The following IRAG2 variants were observed in gnomAD, a reference collection of about 807,000 sequenced individuals.
IRAG2 encodes the protein inositol 1,4,5-triphosphate receptor associated 2, also known as lymphoid restricted membrane protein.
In IRAG2, 45 loss-of-function variants were observed where a neutral mutation model predicts 69.9. That is an observed-to-expected ratio of 0.64 (90% CI 0.51 to 0.83). The LOEUF (loss-of-function observed/expected upper bound fraction) is 0.83, where lower values mean the gene tolerates loss of function less well. IRAG2 is among the 40% of genes least tolerant of loss of function. The probability of loss-of-function intolerance (pLI) is 0.00; values close to 1 mark genes in which losing one functional copy is unlikely to be tolerated. For missense variants in IRAG2, 520 were observed against 587.0 expected, an observed-to-expected ratio of 0.89 and a Z score of 1.18; for synonymous variants, 193 against 202.4, an observed-to-expected ratio of 0.95 and a Z score of 0.40.
rs769411549 is a variant in IRAG2 at position 25,079,245 on chromosome 12, A to G, written c.26A>G (p.Glu9Gly). MNDDPSME[E>G]NGVERVCPES... ...ATGTCTCCTTTCTTTTTCCTTAAGG[A>G]GAATGGTGTTGAACGCGTGTGTCCT... The change falls in exon 7 of 22, where the codon GAG (glutamate) becomes GGG (glycine). Residue 9 changes from glutamate to glycine, a missense_variant and splice_region_variant. By Grantham distance (98) the Glu-to-Gly change is moderately conservative. Transcript: ENST00000556887. 3 of 1,614,022 alleles carry G rather than the reference A, an allele frequency of 1.9e-6. No homozygotes were observed. The South Asian group carries it at 3.3e-5, about 18-fold the overall frequency.
chr12:25,034,346 AC>A (rs1304546917), intron 13 of IRAG2, among the ~76,000 whole-genome samples: 4 of 152,218 alleles, frequency 2.6e-5, no homozygotes, highest in African/African-American at 9.7e-5. Flanking sequence ...ATGCCCAGAA[AC>A]AATACCAAAT....
In IRAG2 at chr12:25,069,349, G is replaced by C; in HGVS notation, c.-58-1G>C. The C allele has an allele frequency of 1.4e-6, 2 of 1,450,804 alleles. No individual in the cohort carries two copies. The highest frequency in any genetic ancestry group is 9.6e-7 in the Non-Finnish European group (1 of 1,038,094). 89.9% of individuals were successfully genotyped at this position (1,450,804 alleles called of 1,614,324 possible). A position where few individuals can be genotyped will look rare whatever the true frequency, so the allele number is the denominator to read the frequency against. On this transcript the variant is annotated splice_acceptor_variant, in intron 5 of 21. Coordinates refer to ENST00000556887, the MANE Select transcript of IRAG2 (RefSeq NM_001366544.2). LOFTEE classifies it low-confidence loss of function (5UTR_SPLICE). The stretch of plus-strand genomic sequence containing the variant: ...TAAATAACTCTACTTCCTACTGCCA[G>C]GTGCCCAGGCCCCACAAGTGGCCCC...
intron 3 of IRAG2, among the ~76,000 whole-genome samples, chr12:25,013,164 G>C (rs890785747): frequency 6.6e-6 from 1 of 152,152 alleles, no homozygotes; most frequent in African/African-American, 2.4e-5. Context: ...ATTTAGGAAT[G>C]TGTATCAGGC....
intron 8 of IRAG2, among the ~76,000 whole-genome samples, chr12:25,026,608 C>A (rs1944623916): frequency 6.6e-6 from 1 of 152,052 alleles, no homozygotes; most frequent in Non-Finnish European, 1.5e-5. Flanking sequence ...AATGGAGGGG[C>A]TGCAGTGACT....
At chr12:25,061,558 G>C (rs1055214872) in intron 1 of IRAG2, 34 bp from the exon 2 acceptor site, 1 of 398,308 alleles carries the variant, frequency 2.5e-6, no homozygotes, top group African/African-American at 2.1e-5. Flanking sequence ...AATTAAAATG[G>C]TCATATTGAG....
At chr12:25,094,952 G>A (rs1229251519) in intron 14 of IRAG2, among the ~76,000 whole-genome samples, 2 of 152,056 alleles carry the variant, frequency 1.3e-5, no homozygotes, top group African/African-American at 2.4e-5. Flanking sequence ...GTGTATATTA[G>A]TTCTAACAGG....
chr12:25,011,916 A>C (rs2352737), intron 3 of IRAG2, among the ~76,000 whole-genome samples: 65,874 of 152,034 alleles, frequency 0.43, 16,308 homozygotes, highest in East Asian at 0.61. Flanking sequence ...TGATACTATC[A>C]AATCTCCAAA....
rs1039476983 is a variant in IRAG2, at chr12:25,081,430, C to T, written c.244+1667C>T. 3.9e-5 allele frequency among the ~76,000 whole-genome samples: 6 copies of T among 152,186 alleles called. No individual in the cohort carries two copies. The South Asian group carries it at 1.2e-3, about 32-fold the overall frequency. On this transcript the variant is annotated intron_variant, in intron 9 of 21. Coordinates refer to ENST00000556887, the MANE Select transcript of IRAG2 (RefSeq NM_001366544.2). ...AGTGAGCTGAGATTGCACCACTGCA[C>T]TCCAGCCTGGGCAACAGAGCAAGAC...
intron 15 of IRAG2, 73 bp downstream of exon 15, chr12:25,097,117 C>T (rs1234769859): frequency 6.9e-7 from 1 of 1,445,276 alleles, no homozygotes; most frequent in Non-Finnish European, 9.3e-7. Context: ...CTATGGATTT[C>T]TCACTTCTAG....
intron 12 of IRAG2, among the ~76,000 whole-genome samples, chr12:25,033,206 C>T (rs1418759367): frequency 4.6e-5 from 7 of 152,264 alleles, no homozygotes; most frequent in East Asian, 1.9e-4. Context: ...CTGCCTGCCT[C>T]GGCCTCTCAA....
chr12:25,083,000 G>GA (rs1947329784), intron 9 of IRAG2, among the ~76,000 whole-genome samples: 1 of 152,204 alleles, frequency 6.6e-6, no homozygotes, highest in South Asian at 2.1e-4. Context: ...GTTTTAGAAG[G>GA]ATATCATATT....
At chr12:25,072,750 T>C (rs1397538552) in intron 6 of IRAG2, among the ~76,000 whole-genome samples, 1 of 152,198 alleles carries the variant, frequency 6.6e-6, no homozygotes, top group Non-Finnish European at 1.5e-5. Flanking sequence ...TTGGAGTCCC[T>C]CTCTAAACTG....
At chr12:25,017,719 A>AC (rs1196129384) in intron 6 of IRAG2, among the ~76,000 whole-genome samples, 1 of 150,872 alleles carries the variant, frequency 6.6e-6, no homozygotes, top group Non-Finnish European at 1.5e-5. Context: ...CTCTGTCTCA[A>AC]AAAAAAAACC....
intron 1 of IRAG2, among the ~76,000 whole-genome samples, chr12:25,054,112 T>C (rs1198875368): frequency 1.3e-5 from 2 of 152,192 alleles, no homozygotes; most frequent in Admixed American, 6.5e-5. Flanking sequence ...AAAATAGCAG[T>C]GGTTATTCAA....
chr12:25,048,288 A>T (rs144702549), upstream of IRAG2, among the ~76,000 whole-genome samples: 3,549 of 151,744 alleles, frequency 0.023, 56 homozygotes, highest in East Asian at 0.092. Flanking sequence ...TCCTTTGCCC[A>T]CTTTTTATTT....
At chr12:25,102,704 C>T (rs1948825585) in intron 17 of IRAG2, 1 of 154,988 alleles carries the variant, frequency 6.5e-6, no homozygotes, top group African/African-American at 2.4e-5. Context: ...GTAAAGACAC[C>T]CCCTAGAAGT....
At chr12:25,076,768 A>G (rs1946714448) in intron 6 of IRAG2, 1 of 237,738 alleles carries the variant, frequency 4.2e-6, no homozygotes, top group Non-Finnish European at 6.8e-6. Flanking sequence ...CTTTATTATT[A>G]TTAAGAAATC....
At chr12:25,103,172 G>A (rs899879511) in intron 17 of IRAG2, 5 of 152,100 alleles carry the variant, frequency 3.3e-5, no homozygotes, top group African/African-American at 1.2e-4. Context: ...TTATCCTGAT[G>A]TACTTATTTA....
chr12:25,022,919 A>G (rs558130583), intron 7 of IRAG2, among the ~76,000 whole-genome samples: 1 of 152,318 alleles, frequency 6.6e-6, no homozygotes, highest in Non-Finnish European at 1.5e-5. Flanking sequence ...TGGGGTCAGG[A>G]GTTCGAGGCC....
Sources: gnomAD v4.1 joint callset for allele counts (sites outside exome capture counted in the v4.1 genomes callset) on GRCh38, gnomAD v4.1.1 for gene constraint, MANE v1.5 for transcripts, NCBI Gene and HGNC (gene_info 2026-07-23, HGNC 2026-07-21) for gene names.